TNRC18: variants seen among roughly 807,000 people sequenced by gnomAD.
TNRC18 encodes the protein trinucleotide repeat containing 18, also known as trinucleotide repeat-containing gene 18 protein.
Under a neutral mutation model 226.7 loss-of-function variants are expected in TNRC18, and 69 were observed. The ratio of observed to expected loss-of-function variants is 0.30; its 90% CI spans 0.25 to 0.37. The LOEUF is 0.37. Ranked by LOEUF, TNRC18 falls within the 10% of genes least tolerant of loss-of-function variation. The probability of loss-of-function intolerance (pLI) is 1.00; values close to 1 mark genes in which losing one functional copy is unlikely to be tolerated. For synonymous variants in TNRC18, 2,449 were observed against 1,927.6 expected (o/e 1.27, Z -7.09); for missense variants, 4,754 against 4,256.6 (o/e 1.12, Z -3.25).
chr7:5,339,250 T>G (rs1352505661), intron 18 of TNRC18, among the ~76,000 whole-genome samples: 2 of 151,726 alleles, frequency 1.3e-5, no homozygotes, highest in African/African-American at 4.8e-5. Context: ...TGTGTTTTTT[T>G]GTTTTTTGAG....
At chr7:5,419,562 G>T (rs1485643554) in intron 2 of TNRC18, among the ~76,000 whole-genome samples, 1 of 152,208 alleles carries the variant, frequency 6.6e-6, no homozygotes, top group Non-Finnish European at 1.5e-5. Context: ...GTTCTTCCTC[G>T]GGGGTCCCCC....
chr7:5,421,086 G>A lies in TNRC18; in HGVS notation c.161C>T (p.Ala54Val), dbSNP rs563781355. 2.0e-6 allele frequency: 3 copies of A among 1,493,324 alleles called. No individual in the cohort carries two copies. Among genetic ancestry groups the A allele is most frequent in the East Asian group, 5.0e-5 (2 of 39,736 alleles). The allele number at this position is 1,493,324 out of a possible 1,614,324, so 92.5% of individuals were successfully genotyped here. A position where few individuals can be genotyped will look rare whatever the true frequency, so the allele number is the denominator to read the frequency against. ...PGPLPPGKYMAGLNLHPHPGE... is the reference protein window; with the variant it reads ...PGPLPPGKYMVGLNLHPHPGE... The stretch of plus-strand genomic sequence containing the variant: ...CGGGTGCGGATGGAGATTCAGGCCG[G>A]CCATGTACTTCCCGGGCGGCAGCGG... The change falls in exon 2 of 30, where the codon GCC (alanine) becomes GTC (valine). Residue 54 changes from alanine to valine, a missense_variant. Ala to Val is a moderately conservative substitution (Grantham distance 64, BLOSUM62 0). Transcript: ENST00000430969.
At chr7:5,336,073 G>A (rs1790084396) in intron 18 of TNRC18, among the ~76,000 whole-genome samples, 1 of 152,028 alleles carries the variant, frequency 6.6e-6, no homozygotes, top group Non-Finnish European at 1.5e-5. Context: ...TGGGCGTGGT[G>A]GCATGCATCT....
chr7:5,385,246 G>A (rs1478049972), intron 5 of TNRC18, among the ~76,000 whole-genome samples: 1 of 152,198 alleles, frequency 6.6e-6, no homozygotes, highest in African/African-American at 2.4e-5. Context: ...CAGGACTTCA[G>A]GAGGCCAAGG....
At chr7:5,384,092 G>A (rs1408388441) in intron 5 of TNRC18, among the ~76,000 whole-genome samples, 3 of 149,356 alleles carry the variant, frequency 2.0e-5, no homozygotes, top group Admixed American at 6.8e-5. Flanking sequence ...AGCCTCTCAA[G>A]TAGCTGGGAT....
chr7:5,368,281 A>C (rs964581252), intron 11 of TNRC18, among the ~76,000 whole-genome samples: 1 of 151,612 alleles, frequency 6.6e-6, no homozygotes, highest in South Asian at 2.1e-4. Flanking sequence ...AGCCTGGCCA[A>C]CATGGCGAAA....
In TNRC18 at chr7:5,332,968, T is replaced by C; in HGVS notation, c.5801A>G (p.Lys1934Arg). 6.4e-7 allele frequency: 1 copy of C among 1,563,616 alleles called. No individual in the cohort carries two copies. The highest frequency in any genetic ancestry group is 8.6e-7 in the Non-Finnish European group (1 of 1,162,548). Residue 1934 changes from lysine to arginine, a missense_variant, in exon 19 of 30, where the codon AAG becomes AGG. By Grantham distance (26) the Lys-to-Arg change is conservative (BLOSUM62 2). Coordinates refer to ENST00000430969, the MANE Select transcript of TNRC18 (RefSeq NM_001080495.3). ...GGAGGGTCCCGGCTCCCCCAGCCCC[T>C]TCTTGGGCCGCAGCAGCCCCGCAGG... ...RSPAGLLRPKKGLGEPGPSLA... is the reference protein window; with the variant it reads ...RSPAGLLRPKRGLGEPGPSLA...
In TNRC18 at chr7:5,313,010, G is replaced by A. The variant is rs759833864; in HGVS notation, c.7881C>T (p.Ser2627=). The A allele has an allele frequency of 4.2e-5, 34 of 802,480 alleles. No individual in the cohort carries two copies. The East Asian group carries it at 5.3e-4, about 12-fold the overall frequency. The allele number at this position is 802,480 out of a possible 1,614,324, so 49.7% of individuals were successfully genotyped here. A position where few individuals can be genotyped will look rare whatever the true frequency, so the allele number is the denominator to read the frequency against. Residue 2627 remains serine (S), a synonymous_variant, in exon 27 of 30, where the codon TCC becomes TCT. Coordinates refer to ENST00000430969, the MANE Select transcript of TNRC18 (RefSeq NM_001080495.3). ...AGGAGGAGGAAGAGGAGGATGAGGA[G>A]GAGGAGGAGGAGGAGGAGGAGGATG... is the stretch of plus-strand genomic sequence containing the variant. ...SSSSSSSSSS[S]SSSSSSSSSS... is the part of the protein sequence containing the mutation.
chr7:5,377,137 G>T lies in TNRC18; in HGVS notation c.2462-144C>A. 7.6e-7 allele frequency: 1 copy of T among 1,308,168 alleles called. No homozygotes were observed. The highest frequency in any genetic ancestry group is 1.5e-5 in the South Asian group (1 of 68,616). The allele number at this position is 1,308,168 out of a possible 1,614,324, so 81.0% of individuals were successfully genotyped here. On this transcript the variant is annotated intron_variant, in intron 7 of 29. Transcript: ENST00000430969. This position sits in a 1 kb window ranked among gnomAD's most constrained non-coding sequence, Gnocchi z 5.8. The stretch of plus-strand genomic sequence containing the variant: ...AAGCCAAGGGACAGGGGTGCTGGCT[G>T]GCTGCAAAGAGCACCCCAGAGCCAC...
Position 5,352,010 on chromosome 7 carries a change from A to C in TNRC18, c.5279T>G (p.Leu1760Arg). Reference sequence around the variant, plus strand: ...GTTCTTTGCCACCATGCTACACAGGAGGGAAGGCGTCAGTTTGGAGCTGGA... The same window carrying C: ...GTTCTTTGCCACCATGCTACACAGGCGGGAAGGCGTCAGTTTGGAGCTGGA... ...GPSSSKLTPS[L>R]LCSMVAKNSK... The change falls in exon 17 of 30, where the codon CTC becomes CGC. Residue 1760 changes from leucine to arginine, a missense_variant. By Grantham distance (102) the Leu-to-Arg change is moderately radical. Coordinates refer to ENST00000430969, the MANE Select transcript of TNRC18 (RefSeq NM_001080495.3). The C allele has an allele frequency of 6.2e-7, 1 of 1,613,910 alleles. No individual in the cohort carries two copies. Among genetic ancestry groups the C allele is most frequent in the Non-Finnish European group, 8.5e-7 (1 of 1,179,852 alleles).
rs555547996 is a variant in TNRC18, at chr7:5,307,981, C to G, written c.*125G>C. 9.3e-6 allele frequency: 8 copies of G among 858,412 alleles called. No homozygotes were observed. The East Asian group carries it at 2.1e-4, about 23-fold the overall frequency. 53.2% of individuals were successfully genotyped at this position (858,412 alleles called of 1,614,324 possible). On this transcript the variant is annotated 3_prime_UTR_variant, in exon 30 of 30. Coordinates refer to ENST00000430969, the MANE Select transcript of TNRC18 (RefSeq NM_001080495.3). ...CCGGGCATCCACGTGCACACCTGGC[C>G]CCATGCACACGCCTGCAGGAGCGCT...
rs1172601563 is a variant in TNRC18 at position 5,388,797 on chromosome 7, TG to T, written c.1026del (p.Lys343ArgfsTer247). ...PSPLPPPPAP[P>X]KGPPAPPAAT... ...GCCGCGGGGGGTGCAGGAGGCCCCTTGGGGGGCGCGGGCGGCGGGGGCAGCG... is the reference window on the plus strand; with the variant it reads ...GCCGCGGGGGGTGCAGGAGGCCCCTTGGGGGCGCGGGCGGCGGGGGCAGCG... On this transcript the variant is annotated frameshift_variant, in exon 5 of 30. Coordinates refer to ENST00000430969, the MANE Select transcript of TNRC18 (RefSeq NM_001080495.3). LOFTEE classifies it high-confidence loss of function. 3.5e-6 allele frequency: 4 copies of T among 1,153,716 alleles called. No homozygotes were observed. The highest frequency in any genetic ancestry group is 5.1e-5 in the Admixed American group (1 of 19,688). The allele number at this position is 1,153,716 out of a possible 1,614,324, so 71.5% of individuals were successfully genotyped here. A position where few individuals can be genotyped will look rare whatever the true frequency, so the allele number is the denominator to read the frequency against.
At chr7:5,403,481 C>T (rs937536905) in intron 2 of TNRC18, among the ~76,000 whole-genome samples, 2 of 140,612 alleles carry the variant, frequency 1.4e-5, no homozygotes, top group Non-Finnish European at 3.2e-5. Flanking sequence ...TTTAAAACAT[C>T]TTGACCTCTC....
rs1185980722 is a variant in TNRC18 at position 5,410,582 on chromosome 7, G to C, written c.187+10478C>G. Among the ~76,000 whole-genome samples the C allele has an allele frequency of 2.0e-5, 3 of 151,822 alleles. No individual in the cohort carries two copies. In the South Asian group the frequency reaches 6.2e-4, roughly 31 times the overall value. On this transcript the variant is annotated intron_variant, in intron 2 of 29. Transcript: ENST00000430969. Reference sequence around the variant, plus strand: ...ACAGTGATGAAGAATAACAATAACCGTGGCCAGGCGGAGTGGCTCACGCCT... The same window carrying C: ...ACAGTGATGAAGAATAACAATAACCCTGGCCAGGCGGAGTGGCTCACGCCT...
At position 5,363,522 on chromosome 7, in the gene TNRC18, A is replaced by T. The variant is rs530641387; in HGVS notation, c.4220-697T>A. Among the ~76,000 whole-genome samples, 139 of 152,096 alleles carry T rather than the reference A, an allele frequency of 9.1e-4. 1 individual carries two copies. The Middle Eastern group carries it at 0.01, about 11-fold the overall frequency. ...GGGAGGCTGAAGCAGGAGAATGGCG[A>T]GAACCTGGGAGGCGGAGCTTGCAGT... On this transcript the variant is annotated intron_variant, in intron 11 of 29. Coordinates refer to ENST00000430969, the MANE Select transcript of TNRC18 (RefSeq NM_001080495.3).
intron 13 of TNRC18, 32 bp downstream of exon 13, chr7:5,361,865 G>A (rs1392405086): frequency 5.3e-6 from 8 of 1,522,546 alleles, no homozygotes; most frequent in Non-Finnish European, 7.0e-6. Flanking sequence ...CCGGGGCAGG[G>A]GCCCCACGGG....
Position 5,396,209 on chromosome 7 carries a change from G to A in TNRC18, c.188-1614C>T, listed in dbSNP as rs1004445897. 8.0e-5 allele frequency among the ~76,000 whole-genome samples: 12 copies of A among 150,222 alleles called. 1 individual carries two copies. The highest frequency in any genetic ancestry group is 7.2e-3 in the Middle Eastern group (2 of 278). ...AAAAAATGCAAAAAATTAGCTGGGC[G>A]TGGTGGCAGGCACCTGTAATTTTAG... On this transcript the variant is annotated intron_variant, in intron 2 of 29. Transcript: ENST00000430969.
Position 5,315,151 on chromosome 7 carries a change from G to A in TNRC18, c.6863-3C>T, listed in dbSNP as rs763403673. ...AAGGGCCGGGGACGGCTCAGCACCT[G>A]TGGGGCAGAGGACAGAGTGGCTCAT... On this transcript the variant is annotated splice_polypyrimidine_tract_variant and splice_region_variant and intron_variant, in intron 25 of 29. Transcript: ENST00000430969. 1.9e-6 allele frequency: 3 copies of A among 1,611,056 alleles called. No homozygotes were observed. The highest frequency in any genetic ancestry group is 2.5e-6 in the Non-Finnish European group (3 of 1,179,226).
intron 10 of TNRC18, among the ~76,000 whole-genome samples, chr7:5,372,681 C>A (rs185295388): frequency 7.2e-5 from 11 of 152,128 alleles, no homozygotes; most frequent in Admixed American, 1.3e-4. Context: ...CACCACTGCA[C>A]GGCAGCCTGG....
Sources: gnomAD v4.1 joint callset for allele counts (sites outside exome capture counted in the v4.1 genomes callset) on GRCh38, gnomAD v4.1.1 for gene constraint, Gnocchi (gnomAD v3.1) non-coding constraint, MANE v1.5 for transcripts, NCBI Gene and HGNC (gene_info 2026-07-23, HGNC 2026-07-21) for gene names.